MGAT4D: variants seen among roughly 807,000 people sequenced by gnomAD.
MGAT4D encodes the protein alpha-1,3-mannosyl-glycoprotein 4-beta-N-acetylglucosaminyltransferase-like protein MGAT4D.
A neutral mutation model predicts 15.9 loss-of-function variants in MGAT4D; 34 were observed. That is an observed-to-expected ratio of 2.14 (90% CI 1.62 to 2.84). MGAT4D has a LOEUF of 2.84. MGAT4D is among the 30% of genes most tolerant of loss of function. The probability of loss-of-function intolerance (pLI) is 0.00; values close to 1 mark genes in which losing one functional copy is unlikely to be tolerated. For missense variants in MGAT4D, 327 were observed against 140.2 expected, an observed-to-expected ratio of 2.33 and a Z score of -6.73; for synonymous variants, 112 against 48.2, an observed-to-expected ratio of 2.33 and a Z score of -5.49.
At chr4:140,479,413 T>A (rs79807066) in intron 3 of MGAT4D, 77 bp downstream of exon 3, 56,975 of 382,604 alleles carry the variant, frequency 0.15, 5,395 homozygotes, top group East Asian at 0.37. Context: ...AATAATGGAT[T>A]ACATCTTAAA....
intron 1 of MGAT4D, among the ~76,000 whole-genome samples, chr4:140,497,339 A>G (rs1733903008): frequency 6.6e-6 from 1 of 152,242 alleles, no homozygotes; most frequent in Non-Finnish European, 1.5e-5. Context: ...AACTAGGGTT[A>G]AAAGATCAAA....
chr4:140,482,766 T>C (rs1732830900), intron 1 of MGAT4D, among the ~76,000 whole-genome samples: 1 of 152,184 alleles, frequency 6.6e-6, no homozygotes, highest in African/African-American at 2.4e-5. Flanking sequence ...TTTATTACTC[T>C]GTGCTCTTCT....
intron 4 of MGAT4D, among the ~76,000 whole-genome samples, chr4:140,474,206 G>C (rs1280562080): frequency 6.6e-6 from 1 of 152,162 alleles, no homozygotes. Context: ...GGGGTCATTA[G>C]AGAGATCTAG....
chr4:140,482,927 C>T (rs967782720), intron 1 of MGAT4D, among the ~76,000 whole-genome samples: 5 of 151,904 alleles, frequency 3.3e-5, no homozygotes, highest in East Asian at 1.9e-4. Context: ...TAACATAGGC[C>T]GTAGTATTTA....
At chr4:140,486,949 G>A (rs1028517985) in intron 1 of MGAT4D, among the ~76,000 whole-genome samples, 7 of 152,272 alleles carry the variant, frequency 4.6e-5, no homozygotes, top group Non-Finnish European at 7.4e-5. Context: ...TGTGTGTTCC[G>A]AGTTAATATA....
intron 8 of MGAT4D, 28 bp downstream of exon 8, chr4:140,459,484 G>T: frequency 2.3e-6 from 1 of 428,674 alleles, no homozygotes; most frequent in Non-Finnish European, 4.2e-6. Flanking sequence ...TAAAAAACTT[G>T]ATCCAACAAA....
intron 8 of MGAT4D, chr4:140,459,240 C>G (rs1205956480): frequency 5.6e-6 from 1 of 177,858 alleles, no homozygotes; most frequent in Middle Eastern, 2.2e-3. Context: ...AGACTCACAG[C>G]AAGCATTTAA....
chr4:140,482,507 A>G (rs1732811278), intron 1 of MGAT4D, 22 bp from the exon 2 acceptor site: 1 of 599,050 alleles, frequency 1.7e-6, no homozygotes, highest in Admixed American at 3.3e-5. Context: ...ACATATGTAT[A>G]TATTTGTACA....
chr4:140,449,320 A>C (rs1174412354), intron 10 of MGAT4D, among the ~76,000 whole-genome samples: 1 of 152,234 alleles, frequency 6.6e-6, no homozygotes, highest in East Asian at 1.9e-4. Context: ...AAAAATTTAA[A>C]AACTATTTAA....
chr4:140,496,328 C>T (rs1046189736), intron 1 of MGAT4D, among the ~76,000 whole-genome samples: 1 of 152,154 alleles, frequency 6.6e-6, no homozygotes, highest in African/African-American at 2.4e-5. Context: ...TCTGATTTGT[C>T]TGTTATTTTA....
At chr4:140,465,384 TAA>T (rs932941334) in intron 5 of MGAT4D, among the ~76,000 whole-genome samples, 8 of 152,330 alleles carry the variant, frequency 5.3e-5, no homozygotes, top group African/African-American at 1.7e-4. Flanking sequence ...TTGAATTTAA[TAA>T]GAGTCCTACT....
In MGAT4D at chr4:140,482,298, A is replaced by G. The variant is rs377295875; in HGVS notation, c.253+29T>C. The G allele has an allele frequency of 6.7e-5, 40 of 595,806 alleles. 1 individual carries two copies. Among genetic ancestry groups the G allele is most frequent in the East Asian group, 3.0e-4 (10 of 33,868 alleles). The allele number at this position is 595,806 out of a possible 1,614,324, so 36.9% of individuals were successfully genotyped here. ...ACATTGAATCTACATTTCCAAAAAC[A>G]AAACAAAACAAACAAAATCAACACA... is the stretch of plus-strand genomic sequence containing the variant. On this transcript the variant is annotated intron_variant, in intron 2 of 10. Coordinates refer to ENST00000511113, the MANE Select transcript of MGAT4D (RefSeq NM_001277353.2).
Position 140,459,906 on chromosome 4 carries a change from C to T in MGAT4D, c.763-280G>A, listed in dbSNP as rs1271068458. 2.1e-5 allele frequency among the ~76,000 whole-genome samples: 3 copies of T among 141,682 alleles called. No homozygotes were observed. The Admixed American group carries it at 2.3e-4, about 11-fold the overall frequency. 92.9% of individuals were successfully genotyped at this position (141,682 alleles called of 152,430 possible). On this transcript the variant is annotated intron_variant, in intron 7 of 10. Transcript: ENST00000511113. The stretch of plus-strand genomic sequence containing the variant: ...TGCCACCATGTCTGGCTAATTTTTA[C>T]ATTATTTGTAGAGATAGGGTTTTAC...
chr4:140,443,404 C>A lies in MGAT4D; in HGVS notation c.*32G>T. The A allele has an allele frequency of 1.9e-6, 1 of 518,638 alleles. No homozygotes were observed. 32.1% of individuals were successfully genotyped at this position (518,638 alleles called of 1,614,324 possible). On this transcript the variant is annotated 3_prime_UTR_variant, in exon 11 of 11. Coordinates refer to ENST00000511113, the MANE Select transcript of MGAT4D (RefSeq NM_001277353.2). ...TTAGATATCAAGGTTATCTGAGGTT[C>A]CAGGTATTACAGAGTTTCTTCTTAT...
intron 10 of MGAT4D, among the ~76,000 whole-genome samples, chr4:140,444,597 A>G (rs1489183351): frequency 6.6e-6 from 1 of 152,154 alleles, no homozygotes; most frequent in Non-Finnish European, 1.5e-5. Context: ...TATGTGTACC[A>G]CATTTTCCTT....
At chr4:140,467,866 G>A (rs1308951822) in intron 5 of MGAT4D, among the ~76,000 whole-genome samples, 3 of 151,866 alleles carry the variant, frequency 2.0e-5, no homozygotes, top group Admixed American at 6.6e-5. Flanking sequence ...AAACATAGAT[G>A]AGTCCTTTAA....
At chr4:140,458,822 A>AG (rs1243181928) in intron 8 of MGAT4D, 1 of 152,188 alleles carries the variant, frequency 6.6e-6, no homozygotes, top group Non-Finnish European at 1.5e-5. Flanking sequence ...GAAGAGTGGC[A>AG]GGAAGAGGGT....
At position 140,459,640 on chromosome 4, in the gene MGAT4D, C is replaced by T. The variant is rs764567675; in HGVS notation, c.763-14G>A. 2 of 413,330 alleles carry T rather than the reference C, an allele frequency of 4.8e-6. No individual in the cohort carries two copies. Among genetic ancestry groups the T allele is most frequent in the Non-Finnish European group, 8.6e-6 (2 of 231,562 alleles). 25.6% of individuals were successfully genotyped at this position (413,330 alleles called of 1,614,324 possible). On this transcript the variant is annotated splice_polypyrimidine_tract_variant and intron_variant, in intron 7 of 10. Coordinates refer to ENST00000511113, the MANE Select transcript of MGAT4D (RefSeq NM_001277353.2). ...ATCATCTTCTAGCTGAAAAAAAAAA[C>T]CCAAAAAGACATTAATATCTTTGAC...
In MGAT4D at chr4:140,498,276, G is replaced by A. The variant is rs1560810328; in HGVS notation, c.-54C>T. On this transcript the variant is annotated 5_prime_UTR_variant, in exon 1 of 11. Transcript: ENST00000511113. Reference sequence around the variant, plus strand: ...GGGTGGAGGCGGCGGATAATGCCAGGGACGGGGTTGAGCGCGCAGAGCCCC... The same window carrying A: ...GGGTGGAGGCGGCGGATAATGCCAGAGACGGGGTTGAGCGCGCAGAGCCCC... 1 of 698,814 alleles carries A rather than the reference G, an allele frequency of 1.4e-6. No homozygotes were observed. Among genetic ancestry groups the A allele is most frequent in the Non-Finnish European group, 2.6e-6 (1 of 382,552 alleles). 43.3% of individuals were successfully genotyped at this position (698,814 alleles called of 1,614,324 possible). A position where few individuals can be genotyped will look rare whatever the true frequency, so the allele number is the denominator to read the frequency against.
Sources: gnomAD v4.1 joint callset for allele counts (sites outside exome capture counted in the v4.1 genomes callset) on GRCh38, gnomAD v4.1.1 for gene constraint, MANE v1.5 for transcripts, NCBI Gene and HGNC (gene_info 2026-07-23, HGNC 2026-07-21) for gene names.